Variants in AKAP7 observed in about 807,000 individuals in gnomAD.
The protein encoded by AKAP7 is A-kinase anchoring protein 7.
AKAP7 carries 39 observed loss-of-function variants against 39.5 expected under a neutral mutation model. The observed-to-expected ratio is 0.99, with a 90% CI of 0.76 to 1.29. The LOEUF is 1.29. Among genes scored for constraint, AKAP7 ranks in the 50% most tolerant of loss-of-function variants. The pLI is 0.00. For synonymous variants in AKAP7, 140 were observed against 139.1 expected (o/e 1.01, Z -0.05); for missense variants, 414 against 407.7 (o/e 1.02, Z -0.13).
At chr6:131,237,406 T>C (rs1399468338) in intron 7 of AKAP7, among the ~76,000 whole-genome samples, 2 of 152,348 alleles carry the variant, frequency 1.3e-5, no homozygotes, top group African/African-American at 4.8e-5. Flanking sequence ...GGTATCAGGA[T>C]AATGCTGGCC....
intron 3 of AKAP7, among the ~76,000 whole-genome samples, chr6:131,161,993 TC>T (rs1803016068): frequency 6.6e-6 from 1 of 152,164 alleles, no homozygotes; most frequent in South Asian, 2.1e-4. Context: ...GATGAACACC[TC>T]TGGGTGTCAC....
intron 7 of AKAP7, among the ~76,000 whole-genome samples, chr6:131,236,105 T>C (rs1585146627): frequency 1.3e-5 from 2 of 152,300 alleles, no homozygotes; most frequent in African/African-American, 4.8e-5. Flanking sequence ...AGGGATCCAG[T>C]TTCAGCTTTC....
At position 131,161,644 on chromosome 6, in the gene AKAP7, C is replaced by CAAAAAAAAAAAAAAAAA. The variant is rs55744190; in HGVS notation, c.291+1470_291+1486dup. Among the ~76,000 whole-genome samples the CAAAAAAAAAAAAAAAAA allele has an allele frequency of 5.4e-4, 18 of 33,624 alleles. 4 individuals carry two copies. Among genetic ancestry groups the CAAAAAAAAAAAAAAAAA allele is most frequent in the Non-Finnish European group, 7.4e-4 (14 of 19,038 alleles). 22.1% of individuals were successfully genotyped at this position (33,624 alleles called of 152,430 possible). A position where few individuals can be genotyped will look rare whatever the true frequency, so the allele number is the denominator to read the frequency against. ...TGGGTGACAGAGCCAGACTGTATCT[C>CAAAAAAAAAAAAAAAAA]AAAAAAAAAAAAAAAAAAAAAAAAA... On this transcript the variant is annotated intron_variant, in intron 3 of 7. Transcript: ENST00000431975.
chr6:131,266,754 T>C (rs1450405592), intron 7 of AKAP7, among the ~76,000 whole-genome samples: 1 of 152,130 alleles, frequency 6.6e-6, no homozygotes. Flanking sequence ...TTATGATATT[T>C]CTAGAAAAGT....
chr6:131,166,117 T>C (rs994798338), intron 4 of AKAP7, among the ~76,000 whole-genome samples: 5 of 152,208 alleles, frequency 3.3e-5, no homozygotes, highest in Admixed American at 1.3e-4. Context: ...TAGTTATGTC[T>C]TTTAAACAGT....
At chr6:131,158,885 C>T (rs1414584927) in intron 2 of AKAP7, among the ~76,000 whole-genome samples, 2 of 148,742 alleles carry the variant, frequency 1.3e-5, no homozygotes, top group African/African-American at 2.5e-5. Context: ...TGTAGTTTTG[C>T]GTGCATATGG....
intron 5 of AKAP7, among the ~76,000 whole-genome samples, chr6:131,188,241 G>A (rs200134206): frequency 7.6e-6 from 1 of 131,134 alleles, no homozygotes. Context: ...TTGAAACATA[G>A]TTCAAGTGAC....
chr6:131,260,257 A>G (rs1025148391), intron 7 of AKAP7, among the ~76,000 whole-genome samples: 2 of 152,204 alleles, frequency 1.3e-5, no homozygotes, highest in South Asian at 2.1e-4. Context: ...TAGTGCTGCA[A>G]TAAACATACG....
In AKAP7 at chr6:131,282,847, T is replaced by C. The variant is rs1318560806; in HGVS notation, c.*1121T>C. 1 of 367,326 alleles carries C rather than the reference T, an allele frequency of 2.7e-6. No homozygotes were observed. The highest frequency in any genetic ancestry group is 4.2e-5 in the Admixed American group (1 of 23,608). The allele number at this position is 367,326 out of a possible 1,614,324, so 22.8% of individuals were successfully genotyped here. Reference sequence around the variant, plus strand: ...GAGTTATTTTATAGAAATGATTTCTTAATTAGCTGTTGTGAGATATTTCTC... The same window carrying C: ...GAGTTATTTTATAGAAATGATTTCTCAATTAGCTGTTGTGAGATATTTCTC... On this transcript the variant is annotated 3_prime_UTR_variant, in exon 8 of 8. Transcript: ENST00000431975.
At position 131,145,396 on chromosome 6, in the gene AKAP7, A is replaced by T; in HGVS notation, c.131A>T (p.Asp44Val). ...GTAGACATGCCATTTGCTACTGTAGATATTCAGGATGACTGTGGAAGTAAG... is the reference window on the plus strand; with the variant it reads ...GTAGACATGCCATTTGCTACTGTAGTTATTCAGGATGACTGTGGAAGTAAG... The part of the protein sequence containing the change: ...SLVDMPFATV[D>V]IQDDCGITDE... Residue 44 changes from aspartate (D) to valine (V), a missense_variant, in exon 2 of 8, where the codon GAT becomes GTT. Coordinates refer to ENST00000431975, the MANE Select transcript of AKAP7 (RefSeq NM_016377.4). The T allele has an allele frequency of 6.5e-7, 1 of 1,540,220 alleles. No homozygotes were observed.
At chr6:131,181,112 T>G (rs191683302) in intron 5 of AKAP7, among the ~76,000 whole-genome samples, 4 of 152,208 alleles carry the variant, frequency 2.6e-5, no homozygotes, top group African/African-American at 9.6e-5. Context: ...ATTTTTGTAT[T>G]TTTAGTAGAG....
At chr6:131,183,927 G>A (rs1805552733) in intron 5 of AKAP7, among the ~76,000 whole-genome samples, 1 of 152,146 alleles carries the variant, frequency 6.6e-6, no homozygotes, top group Non-Finnish European at 1.5e-5. Flanking sequence ...TCGCCTCTGG[G>A]GGATGGGAAA....
chr6:131,221,418 C>T (rs953931627), intron 7 of AKAP7, among the ~76,000 whole-genome samples: 4 of 152,296 alleles, frequency 2.6e-5, no homozygotes, highest in East Asian at 1.9e-4. Context: ...TGAAGCAGAA[C>T]GTGCTGATAC....
chr6:131,273,136 T>G (rs926079896), intron 7 of AKAP7, among the ~76,000 whole-genome samples: 1 of 152,188 alleles, frequency 6.6e-6, no homozygotes, highest in African/African-American at 2.4e-5. Flanking sequence ...CTGATATTGA[T>G]TCTTTAGCTT....
intron 7 of AKAP7, among the ~76,000 whole-genome samples, chr6:131,245,804 A>G (rs1811957454): frequency 6.6e-6 from 1 of 152,088 alleles, no homozygotes; most frequent in Non-Finnish European, 1.5e-5. Context: ...CAAAATTTAG[A>G]AGGATAAAGT....
chr6:131,282,943 A>G lies in AKAP7; in HGVS notation c.*1217A>G, dbSNP rs1042894968. On this transcript the variant is annotated 3_prime_UTR_variant, in exon 8 of 8. Transcript: ENST00000431975. ...CAAACAGAATAAAACAGAGCCAACA[A>G]CAGTATTTTAAGGGTCACTTGCCTC... 5 of 181,730 alleles carry G rather than the reference A, an allele frequency of 2.8e-5. No individual in the cohort carries two copies. The highest frequency in any genetic ancestry group is 1.2e-4 in the African/African-American group (5 of 42,470). 11.3% of individuals were successfully genotyped at this position (181,730 alleles called of 1,614,324 possible).
At chr6:131,134,059 C>T (rs1215097104), upstream of AKAP7, among the ~76,000 whole-genome samples, 2 of 152,172 alleles carry the variant, frequency 1.3e-5, no homozygotes, top group Non-Finnish European at 2.9e-5. Context: ...GCAACCTCCA[C>T]CTCCTGGGCT....
intron 6 of AKAP7, among the ~76,000 whole-genome samples, chr6:131,208,812 G>A (rs914219758): frequency 1.3e-5 from 2 of 152,164 alleles, no homozygotes; most frequent in African/African-American, 4.8e-5. Flanking sequence ...ACTCAGGACC[G>A]TGGCTGGGCA....
intron 5 of AKAP7, among the ~76,000 whole-genome samples, chr6:131,176,955 T>A (rs1804643956): frequency 6.6e-6 from 1 of 152,176 alleles, no homozygotes; most frequent in African/African-American, 2.4e-5. Context: ...GATGGCTGCA[T>A]TCACAGACCT....
Sources: gnomAD v4.1 joint callset for allele counts (sites outside exome capture counted in the v4.1 genomes callset) on GRCh38, gnomAD v4.1.1 for gene constraint, MANE v1.5 for transcripts, NCBI Gene and HGNC (gene_info 2026-07-23, HGNC 2026-07-21) for gene names.